The following CCDC171 variants were observed in gnomAD, a reference collection of about 807,000 sequenced individuals.
CCDC171 encodes coiled-coil domain-containing protein 171.
Under a neutral mutation model 168.2 loss-of-function variants are expected in CCDC171, and 177 were observed. The ratio of observed to expected loss-of-function variants is 1.05; its 90% CI spans 0.93 to 1.19. CCDC171 has a LOEUF of 1.19. CCDC171 is among the 50% of genes most tolerant of loss of function. The pLI, the probability that CCDC171 is intolerant of heterozygous loss-of-function variation, is 0.00. For synonymous variants in CCDC171, 687 were observed against 540.8 expected, an observed-to-expected ratio of 1.27 and a Z score of -3.75; for missense variants, 1,991 against 1,539.0, an observed-to-expected ratio of 1.29 and a Z score of -4.91.
chr9:16,102,114 G>A, the CCDC171 span, among the ~76,000 whole-genome samples: 5 of 152,308 alleles, frequency 3.3e-5, no homozygotes, highest in South Asian at 2.1e-4. Context: ...GGGGTTTCTG[G>A]TGTAGGCACC....
At chr9:15,958,582 G>T (rs941317191) in intron 25 of CCDC171, among the ~76,000 whole-genome samples, 1 of 144,820 alleles carries the variant, frequency 6.9e-6, no homozygotes, top group Non-Finnish European at 1.5e-5. Flanking sequence ...CAGAGGCCAG[G>T]AAAAGTTTGG....
intron 3 of CCDC171, among the ~76,000 whole-genome samples, chr9:15,991,544 T>A (rs1244354040): frequency 6.6e-6 from 1 of 151,590 alleles, no homozygotes; most frequent in Non-Finnish European, 1.5e-5. Context: ...GCAAACACAT[T>A]CAAAAGCTAG....
chr9:16,068,127 A>G, the CCDC171 span, among the ~76,000 whole-genome samples: 1 of 148,524 alleles, frequency 6.7e-6, no homozygotes, highest in Admixed American at 6.7e-5. Context: ...TACAAAATCA[A>G]TGTACAAAAA....
intron 25 of CCDC171, among the ~76,000 whole-genome samples, chr9:15,965,989 G>A (rs1019997350): frequency 6.6e-6 from 1 of 152,134 alleles, no homozygotes; most frequent in Non-Finnish European, 1.5e-5. Context: ...AATAATATAA[G>A]TCGTTTGTTC....
At position 15,845,137 on chromosome 9, in the gene CCDC171, G is replaced by A. The variant is rs545197663; in HGVS notation, c.3268-1565G>A. On this transcript the variant is annotated intron_variant, in intron 21 of 25. Transcript: ENST00000380701. Reference sequence around the variant, plus strand: ...GCTGACTTTAAAAGGAACTCAAAAGGATTTTACTTTTTTAAATAAAGAAAT... The same window carrying A: ...GCTGACTTTAAAAGGAACTCAAAAGAATTTTACTTTTTTAAATAAAGAAAT... 2.0e-5 allele frequency among the ~76,000 whole-genome samples: 3 copies of A among 152,138 alleles called. No homozygotes were observed. The South Asian group carries it at 6.2e-4, about 32-fold the overall frequency.
chr9:15,743,138 C>CTTTTTTTTTTTTTTTTTTT (rs66642691), intron 16 of CCDC171, among the ~76,000 whole-genome samples: 1 of 73,264 alleles, frequency 1.4e-5, no homozygotes, highest in African/African-American at 5.7e-5. Flanking sequence ...CTGTTACCTT[C>CTTTTTTTTTTTTTTTTTTT]TTTTTTTTTT....
At chr9:15,562,767 C>T (rs2039413914) in intron 1 of CCDC171, among the ~76,000 whole-genome samples, 1 of 152,130 alleles carries the variant, frequency 6.6e-6, no homozygotes, top group Non-Finnish European at 1.5e-5. Context: ...TTGGACATTA[C>T]TCTTAAATAC....
chr9:15,563,029 T>C (rs149968781), intron 1 of CCDC171, among the ~76,000 whole-genome samples: 81 of 152,234 alleles, frequency 5.3e-4, no homozygotes, highest in African/African-American at 1.9e-3. Context: ...AACTTATAGT[T>C]CAGGTTTATG....
chr9:16,094,071 A>C, the CCDC171 span, among the ~76,000 whole-genome samples: 1 of 152,196 alleles, frequency 6.6e-6, no homozygotes, highest in Admixed American at 6.5e-5. Context: ...GCCAGGAGGC[A>C]TAGTAAGAGG....
intron 25 of CCDC171, among the ~76,000 whole-genome samples, chr9:15,946,942 A>G (rs983842233): frequency 6.6e-6 from 1 of 151,926 alleles, no homozygotes; most frequent in African/African-American, 2.4e-5. Flanking sequence ...TTTTTTCTGA[A>G]TTACAGGGTT....
intron 24 of CCDC171, among the ~76,000 whole-genome samples, chr9:15,887,278 A>G (rs1437688519): frequency 6.6e-6 from 1 of 152,190 alleles, no homozygotes; most frequent in African/African-American, 2.4e-5. Flanking sequence ...TTGAGTTTGC[A>G]TAGTACTGTA....
intron 7 of CCDC171, among the ~76,000 whole-genome samples, chr9:15,634,982 T>G (rs2046089981): frequency 1.3e-5 from 2 of 152,216 alleles, no homozygotes; most frequent in Non-Finnish European, 2.9e-5. Flanking sequence ...GCTTCATTCT[T>G]TTTTATGCCT....
At chr9:15,578,501 C>G (rs1373733653) in intron 3 of CCDC171, among the ~76,000 whole-genome samples, 6 of 150,374 alleles carry the variant, frequency 4.0e-5, no homozygotes, top group Admixed American at 4.0e-4. Context: ...AACTCCTGGG[C>G]TTAAGTGATC....
rs185901405 is a variant in CCDC171 at position 15,588,999 on chromosome 9, C to T, written c.353-2367C>T. 2.3e-3 allele frequency among the ~76,000 whole-genome samples: 344 copies of T among 151,728 alleles called. 1 individual carries two copies. The highest frequency in any genetic ancestry group is 8.0e-3 in the African/African-American group (332 of 41,450). On this transcript the variant is annotated intron_variant, in intron 4 of 25. Transcript: ENST00000380701. Reference sequence around the variant, plus strand: ...GGCTTGGATTACAGGCGTGAGCCACCGCACCCAGCCGTGTTTTTTTTTTAG... The same window carrying T: ...GGCTTGGATTACAGGCGTGAGCCACTGCACCCAGCCGTGTTTTTTTTTTAG...
At chr9:16,017,432 C>T (rs1265003087) in intron 3 of CCDC171, among the ~76,000 whole-genome samples, 2 of 151,878 alleles carry the variant, frequency 1.3e-5, no homozygotes, top group Admixed American at 1.3e-4. Flanking sequence ...TAGCTTGTTT[C>T]CAATTTTTAA....
intron 9 of CCDC171, among the ~76,000 whole-genome samples, chr9:15,671,056 T>C (rs2049071265): frequency 6.6e-6 from 1 of 152,162 alleles, no homozygotes; most frequent in Non-Finnish European, 1.5e-5. Flanking sequence ...CATGCCACTG[T>C]ACTTCAGTGT....
chr9:15,642,360 T>TATATATATAC (rs2046699870), intron 7 of CCDC171, among the ~76,000 whole-genome samples: 2 of 42,150 alleles, frequency 4.7e-5, no homozygotes, highest in African/African-American at 1.2e-4. Context: ...TATATATATA[T>TATATATATAC]ATATATATAT....
At chr9:15,906,149 G>A (rs1478413399) in intron 24 of CCDC171, among the ~76,000 whole-genome samples, 1 of 152,192 alleles carries the variant, frequency 6.6e-6, no homozygotes, top group African/African-American at 2.4e-5. Flanking sequence ...TAGAAAAAGA[G>A]GGAATCCTCC....
intron 9 of CCDC171, among the ~76,000 whole-genome samples, chr9:15,666,626 C>T (rs967130317): frequency 6.6e-6 from 1 of 151,942 alleles, no homozygotes; most frequent in Non-Finnish European, 1.5e-5. Context: ...GTATCAAGAC[C>T]AGCTTGGGCA....
Sources: gnomAD v4.1 joint callset for allele counts (sites outside exome capture counted in the v4.1 genomes callset) on GRCh38, gnomAD v4.1.1 for gene constraint, MANE v1.5 for transcripts, NCBI Gene and HGNC (gene_info 2026-07-23, HGNC 2026-07-21) for gene names.